GMPR: variants seen among roughly 807,000 people sequenced by gnomAD.
GMPR encodes the protein GMP reductase 1.
Under a neutral mutation model 38.4 loss-of-function variants are expected in GMPR, and 31 were observed. The ratio of observed to expected loss-of-function variants is 0.81; its 90% confidence interval spans 0.61 to 1.09. The LOEUF is 1.09. Among genes scored for constraint, GMPR ranks in the 50% least tolerant of loss-of-function variants. The probability of loss-of-function intolerance (pLI) is 0.00; values close to 1 mark genes in which losing one functional copy is unlikely to be tolerated. For missense variants in GMPR, 468 were observed against 453.7 expected (o/e 1.03, Z -0.29); for synonymous variants, 162 against 173.3 (o/e 0.93, Z 0.51).
chr6:16,281,818 C>G (rs1759580072), intron 6 of GMPR, among the ~76,000 whole-genome samples: 2 of 152,162 alleles, frequency 1.3e-5, no homozygotes, highest in African/African-American at 4.8e-5. Flanking sequence ...TCCGAGTTTC[C>G]TTTTACGTCA....
At chr6:16,263,995 G>A (rs1759140590) in intron 4 of GMPR, among the ~76,000 whole-genome samples, 1 of 151,872 alleles carries the variant, frequency 6.6e-6, no homozygotes, top group Non-Finnish European at 1.5e-5. Context: ...ACGGAGAGAA[G>A]GGATTAGGGT....
intron 1 of GMPR, among the ~76,000 whole-genome samples, chr6:16,242,562 CA>C (rs552898877): frequency 1.1e-3 from 171 of 152,274 alleles, no homozygotes; most frequent in African/African-American, 3.9e-3. Flanking sequence ...CAGTTGTCCC[CA>C]ATCTCTGCCT....
At chr6:16,262,090 T>C (rs1387731713) in intron 4 of GMPR, 1 of 151,314 alleles carries the variant, frequency 6.6e-6, no homozygotes, top group Non-Finnish European at 1.5e-5. Flanking sequence ...CCTATAACAG[T>C]TATGGAGGCA....
chr6:16,294,117 G>A (rs1759889363), intron 8 of GMPR, among the ~76,000 whole-genome samples: 1 of 152,206 alleles, frequency 6.6e-6, no homozygotes, highest in Non-Finnish European at 1.5e-5. Flanking sequence ...ACAGTGAAAT[G>A]TTGCTTAGTG....
At chr6:16,285,897 T>G (rs1759670335) in intron 7 of GMPR, 62 bp downstream of exon 7, 6 of 1,358,688 alleles carry the variant, frequency 4.4e-6, no homozygotes, top group Non-Finnish European at 5.2e-6. Flanking sequence ...CCTACACCTC[T>G]CCAGCTGGCA....
intron 1 of GMPR, among the ~76,000 whole-genome samples, chr6:16,242,226 C>T (rs959523484): frequency 2.6e-5 from 4 of 152,118 alleles, no homozygotes; most frequent in Non-Finnish European, 5.9e-5. Flanking sequence ...GAGTTCTGGT[C>T]TAGCTTTCAC....
intron 4 of GMPR, among the ~76,000 whole-genome samples, chr6:16,266,432 G>A (rs1471946146): frequency 8.3e-6 from 1 of 119,872 alleles, no homozygotes; most frequent in East Asian, 2.6e-4. Context: ...GAAAAAGGTG[G>A]CACGTCGGAC....
intron 4 of GMPR, among the ~76,000 whole-genome samples, chr6:16,266,628 C>A (rs1034362842): frequency 6.6e-6 from 1 of 151,534 alleles, no homozygotes; most frequent in African/African-American, 2.4e-5. Context: ...CGGTGAAACC[C>A]CATCTCTACT....
intron 4 of GMPR, among the ~76,000 whole-genome samples, chr6:16,260,464 A>G (rs1759062182): frequency 6.6e-6 from 1 of 151,968 alleles, no homozygotes; most frequent in Non-Finnish European, 1.5e-5. Context: ...ACTAAGAGGT[A>G]TTTTAGTTAT....
At chr6:16,261,796 C>T (rs528931361) in intron 4 of GMPR, among the ~76,000 whole-genome samples, 2 of 151,862 alleles carry the variant, frequency 1.3e-5, no homozygotes, top group Admixed American at 6.6e-5. Context: ...GGTGCATGAT[C>T]GGTCACCAAG....
intron 1 of GMPR, among the ~76,000 whole-genome samples, chr6:16,243,916 G>C (rs1305820903): frequency 6.6e-6 from 1 of 152,188 alleles, no homozygotes; most frequent in Non-Finnish European, 1.5e-5. Flanking sequence ...GTGGCTAAGT[G>C]GCAGTTGTTC....
chr6:16,262,202 C>T (rs1288926882), intron 4 of GMPR: 3 of 151,636 alleles, frequency 2.0e-5, no homozygotes, highest in African/African-American at 7.3e-5. Context: ...TTACGCGAAG[C>T]TCGGCATCCG....
At chr6:16,269,491 T>C (rs1302856656) in intron 4 of GMPR, among the ~76,000 whole-genome samples, 1 of 152,178 alleles carries the variant, frequency 6.6e-6, no homozygotes, top group Non-Finnish European at 1.5e-5. Flanking sequence ...ACTGAATAGC[T>C]TATATTATAA....
chr6:16,288,040 C>T (rs1472051549), intron 7 of GMPR, among the ~76,000 whole-genome samples: 1 of 152,220 alleles, frequency 6.6e-6, no homozygotes, highest in African/African-American at 2.4e-5. Flanking sequence ...TTGTTCTGTT[C>T]TAAAGGTAAA....
At chr6:16,251,530 A>G (rs1311742444) in intron 3 of GMPR, among the ~76,000 whole-genome samples, 1 of 152,228 alleles carries the variant, frequency 6.6e-6, no homozygotes, top group African/African-American at 2.4e-5. Context: ...CGATTGTGCC[A>G]TTGCACTCCA....
chr6:16,278,997 G>T, intron 6 of GMPR, 107 bp downstream of exon 6: 1 of 691,188 alleles, frequency 1.4e-6, no homozygotes. Context: ...AGGGAGCTGG[G>T]CACTGCGGTC....
chr6:16,254,810 G>A (rs1265755509), intron 4 of GMPR, 75 bp downstream of exon 4: 4 of 1,053,398 alleles, frequency 3.8e-6, no homozygotes, highest in Non-Finnish European at 5.8e-6. Context: ...AATGTGTCGG[G>A]GGAGCTGTAT....
At chr6:16,277,415 C>T (rs1431300544) in intron 5 of GMPR, among the ~76,000 whole-genome samples, 2 of 152,216 alleles carry the variant, frequency 1.3e-5, no homozygotes, top group East Asian at 1.9e-4. Context: ...AAGCATCCCA[C>T]CCCCGGGTCT....
chr6:16,276,925 T>A (rs1016591961), intron 5 of GMPR, among the ~76,000 whole-genome samples: 2 of 152,218 alleles, frequency 1.3e-5, no homozygotes, highest in Non-Finnish European at 2.9e-5. Context: ...TGTGTGTTAT[T>A]TGAAGCTTCT....
Sources: gnomAD v4.1 joint callset for allele counts (sites outside exome capture counted in the v4.1 genomes callset) on GRCh38, gnomAD v4.1.1 for gene constraint, MANE v1.5 for transcripts, NCBI Gene and HGNC (gene_info 2026-07-23, HGNC 2026-07-21) for gene names.